Variants in PTCD3 observed in about 807,000 individuals in gnomAD.
PTCD3 encodes small ribosomal subunit protein mS39.
Under a neutral mutation model 101.9 loss-of-function variants are expected in PTCD3, and 89 were observed. The observed-to-expected ratio is 0.87, with a 90% CI of 0.74 to 1.04. The LOEUF is 1.04. Among genes scored for constraint, PTCD3 ranks in the 50% least tolerant of loss-of-function variants. The pLI, the probability that PTCD3 is intolerant of heterozygous loss-of-function variation, is 0.00. For missense variants in PTCD3, 870 were observed against 828.2 expected, an observed-to-expected ratio of 1.05 and a Z score of -0.62; for synonymous variants, 296 against 278.5, an observed-to-expected ratio of 1.06 and a Z score of -0.63.
rs1487017733 is a variant in PTCD3, at chr2:86,137,485, C to CT, written c.1997dup (p.Thr667AsnfsTer6). 1.2e-6 allele frequency: 2 copies of CT among 1,613,466 alleles called. No individual in the cohort carries two copies. The highest frequency in any genetic ancestry group is 1.1e-5 in the South Asian group (1 of 91,032). On this transcript the variant is annotated frameshift_variant, in exon 24 of 24. Transcript: ENST00000254630. LOFTEE classifies it high-confidence loss of function. ...TCTTAACAGGGAAGCCCTAAGTAAT[C>CT]TAACTGCATTGACCAGTGACAGTGA...
rs1398971671 is a variant in PTCD3, at chr2:86,137,797, C to T, written c.*238C>T. 4.5e-6 allele frequency: 2 copies of T among 446,802 alleles called. No homozygotes were observed. The highest frequency in any genetic ancestry group is 2.1e-5 in the South Asian group (1 of 46,626). The allele number at this position is 446,802 out of a possible 1,614,324, so 27.7% of individuals were successfully genotyped here. ...GCTTAGCATTTAAGTAGCAACATTG[C>T]GGTTTTCAGACACATGGTGAGGTCC... is the stretch of plus-strand genomic sequence containing the variant. On this transcript the variant is annotated 3_prime_UTR_variant, in exon 24 of 24. Transcript: ENST00000254630.
At position 86,115,334 on chromosome 2, in the gene PTCD3, G is replaced by A. The variant is rs956968472; in HGVS notation, c.241-1196G>A. Among the ~76,000 whole-genome samples the A allele has an allele frequency of 3.3e-5, 5 of 152,132 alleles. No homozygotes were observed. The East Asian group carries it at 5.8e-4, about 18-fold the overall frequency. On this transcript the variant is annotated intron_variant, in intron 4 of 23. Coordinates refer to ENST00000254630, the MANE Select transcript of PTCD3 (RefSeq NM_017952.6). ...TGGATTAATTGCAGCAGTCTCTGTC[G>A]TCTCCCACTGCACCTCCCTGCACAC...
At chr2:86,117,266 G>T in intron 6 of PTCD3, 107 bp downstream of exon 6, 2 of 550,344 alleles carry the variant, frequency 3.6e-6, no homozygotes, top group South Asian at 3.1e-5. Flanking sequence ...CTCAATATTT[G>T]GATGATAAGC....
chr2:86,136,528 T>C lies in PTCD3; in HGVS notation c.1786T>C (p.Leu596=). The C allele has an allele frequency of 1.2e-6, 2 of 1,611,718 alleles. No homozygotes were observed. Among genetic ancestry groups the C allele is most frequent in the South Asian group, 1.1e-5 (1 of 91,040 alleles). The change falls in exon 22 of 24, where the codon TTG becomes CTG. Residue 596 remains leucine, a synonymous_variant. Transcript: ENST00000254630. ...TTTTCCTTTCTTGAGCAGGAAAATG[T>C]TGGGGCTTTTCAGGAAGCATAATAA... is the stretch of plus-strand genomic sequence containing the variant. ...AGRTQEAWKM[L]GLFRKHNKIP...
intron 17 of PTCD3, 115 bp from the exon 18 acceptor site, chr2:86,133,063 T>A: frequency 6.9e-7 from 1 of 1,447,304 alleles, no homozygotes; most frequent in Non-Finnish European, 9.1e-7. Flanking sequence ...AACTTGAAAC[T>A]GTAAGTATTT....
chr2:86,125,359 A>G lies in PTCD3; in HGVS notation c.805-96A>G, dbSNP rs908894627. 2.4e-5 allele frequency: 32 copies of G among 1,318,268 alleles called. No individual in the cohort carries two copies. The African/African-American group carries it at 2.6e-4, about 11-fold the overall frequency. The allele number at this position is 1,318,268 out of a possible 1,614,324, so 81.7% of individuals were successfully genotyped here. ...CTTCATGAGAACAGGAGCCTGATCT[A>G]TTGAGCCTGAGCTATATTACCAAAC... On this transcript the variant is annotated intron_variant, in intron 10 of 23. Transcript: ENST00000254630.
intron 16 of PTCD3, among the ~76,000 whole-genome samples, chr2:86,132,086 G>A (rs558215056): frequency 1.3e-5 from 2 of 152,306 alleles, no homozygotes; most frequent in African/African-American, 4.8e-5. Flanking sequence ...TTGACCAGGT[G>A]TTGTTACAGG....
intron 16 of PTCD3, among the ~76,000 whole-genome samples, 187 bp from the exon 17 acceptor site, chr2:86,132,131 T>A (rs1364864364): frequency 6.6e-6 from 1 of 152,220 alleles, no homozygotes; most frequent in Non-Finnish European, 1.5e-5. Flanking sequence ...TTAATTAAAA[T>A]AATATTGTAA....
chr2:86,125,015 G>T lies in PTCD3; in HGVS notation c.737G>T (p.Arg246Ile). ...TCTAGAGCAAAAAACAACGCTGAGA[G>T]AATCTTTTCTCTAATGCCAGAGAAA... Reference protein sequence around the residue: ...VTWRAKNNAERIFSLMPEKNE... With the variant: ...VTWRAKNNAEIIFSLMPEKNE... The change falls in exon 10 of 24, where the codon AGA becomes ATA. Residue 246 changes from arginine to isoleucine, a missense_variant. Physicochemically the swap from Arg to Ile is moderately conservative, Grantham distance 97. Coordinates refer to ENST00000254630, the MANE Select transcript of PTCD3 (RefSeq NM_017952.6). 6.2e-7 allele frequency: 1 copy of T among 1,614,042 alleles called. No homozygotes were observed. The highest frequency in any genetic ancestry group is 8.5e-7 in the Non-Finnish European group (1 of 1,180,020).
intron 12 of PTCD3, 37 bp downstream of exon 12, chr2:86,125,917 T>C (rs1453555524): frequency 7.2e-7 from 1 of 1,391,068 alleles, no homozygotes; most frequent in Admixed American, 1.8e-5. Flanking sequence ...TTAATAGGGC[T>C]TAAATACTCT....
chr2:86,117,930 C>T (rs1190260623), intron 6 of PTCD3, among the ~76,000 whole-genome samples: 3 of 152,108 alleles, frequency 2.0e-5, no homozygotes, highest in Admixed American at 6.5e-5. Context: ...GTGCCTGCCA[C>T]CGCACCTGGC....
intron 16 of PTCD3, 34 bp from the exon 17 acceptor site, chr2:86,132,284 A>G: frequency 7.6e-7 from 1 of 1,323,194 alleles, no homozygotes; most frequent in East Asian, 2.3e-5. Flanking sequence ...CTGACAGGGT[A>G]TCAGAGTGAT....
intron 4 of PTCD3, among the ~76,000 whole-genome samples, chr2:86,114,801 A>T (rs1324126393): frequency 6.6e-6 from 1 of 152,226 alleles, no homozygotes; most frequent in Non-Finnish European, 1.5e-5. Context: ...GCAAGAAGAT[A>T]CAAAGCAAAG....
intron 17 of PTCD3, 76 bp from the exon 18 acceptor site, chr2:86,133,102 A>G (rs2241438): frequency 0.46 from 708,468 of 1,535,196 alleles, 172,371 homozygotes; most frequent in Non-Finnish European, 0.5. Flanking sequence ...ATAATATGCT[A>G]TAATTTCAAC....
intron 9 of PTCD3, among the ~76,000 whole-genome samples, chr2:86,124,751 CTT>C (rs759519639): frequency 4.6e-5 from 7 of 152,120 alleles, no homozygotes; most frequent in South Asian, 2.1e-4. Context: ...TGTTTATAAA[CTT>C]TTCATTTTCA....
chr2:86,121,595 G>C lies in PTCD3; in HGVS notation c.654+1G>C. 6.4e-7 allele frequency: 1 copy of C among 1,566,564 alleles called. No homozygotes were observed. Among genetic ancestry groups the C allele is most frequent in the South Asian group, 1.2e-5 (1 of 84,676 alleles). ...ACAAACTGGACAGTCAGAAGCATTG[G>C]TAATAACTGTTGGCCTTGATTTTTT... On this transcript the variant is annotated splice_donor_variant, in intron 8 of 23. Coordinates refer to ENST00000254630, the MANE Select transcript of PTCD3 (RefSeq NM_017952.6). LOFTEE classifies it high-confidence loss of function.
At chr2:86,135,206 C>T (rs550947895) in intron 21 of PTCD3, 4 of 428,646 alleles carry the variant, frequency 9.3e-6, no homozygotes, top group South Asian at 7.7e-5. Flanking sequence ...TGAGAATTAT[C>T]TTTCTACTTT....
intron 6 of PTCD3, among the ~76,000 whole-genome samples, chr2:86,118,550 A>G (rs944868257): frequency 2.0e-5 from 3 of 152,194 alleles, no homozygotes; most frequent in Admixed American, 6.5e-5. Flanking sequence ...GTCTTTCTCC[A>G]TTAGATTGTG....
At chr2:86,132,177 A>G in intron 16 of PTCD3, 141 bp from the exon 17 acceptor site, 1 of 555,506 alleles carries the variant, frequency 1.8e-6, no homozygotes, top group Non-Finnish European at 3.2e-6. Flanking sequence ...TCTCCCCCCC[A>G]TTTCTTATAA....
Sources: gnomAD v4.1 joint callset for allele counts (sites outside exome capture counted in the v4.1 genomes callset) on GRCh38, gnomAD v4.1.1 for gene constraint, MANE v1.5 for transcripts, NCBI Gene and HGNC (gene_info 2026-07-23, HGNC 2026-07-21) for gene names.